Variants in HIVEP3 observed in about 807,000 individuals in gnomAD.
The protein encoded by HIVEP3 is HIVEP zinc finger 3, also known as transcription factor HIVEP3.
Under a neutral mutation model 152.8 loss-of-function variants are expected in HIVEP3, and 49 were observed. That is an observed-to-expected ratio of 0.32 (90% CI 0.26 to 0.41). The LOEUF (loss-of-function observed/expected upper bound fraction) is 0.41. Ranked by LOEUF, HIVEP3 falls within the 10% of genes least tolerant of loss-of-function variation. The pLI, the probability that HIVEP3 is intolerant of heterozygous loss-of-function variation, is 1.00. For synonymous variants in HIVEP3, 1,269 were observed against 1,289.0 expected, an observed-to-expected ratio of 0.98 and a Z score of 0.33; for missense variants, 2,790 against 3,103.3, an observed-to-expected ratio of 0.90 and a Z score of 2.40.
rs1489687013 is a variant in HIVEP3 at position 41,508,074 on chromosome 1, C to G, written c.*2377G>C. On this transcript the variant is annotated 3_prime_UTR_variant, in exon 9 of 9. Transcript: ENST00000372583. ...AGGGAGGAAACCTTGGGTGGGTAGG[C>G]TGTTTGAGTACAGGGAGAAAAATGC... 6.6e-6 allele frequency: 1 copy of G among 152,296 alleles called. No homozygotes were observed. Among genetic ancestry groups the G allele is most frequent in the Non-Finnish European group, 1.5e-5 (1 of 68,130 alleles). The allele number at this position is 152,296 out of a possible 1,614,324, so 9.4% of individuals were successfully genotyped here. A position where few individuals can be genotyped will look rare whatever the true frequency, so the allele number is the denominator to read the frequency against.
At chr1:41,861,992 C>CG (rs1432345380) in intron 1 of HIVEP3, among the ~76,000 whole-genome samples, 2 of 151,774 alleles carry the variant, frequency 1.3e-5, no homozygotes, top group East Asian at 3.9e-4. Context: ...CAAATTTGGC[C>CG]GGGGGGCGGA....
intron 1 of HIVEP3, among the ~76,000 whole-genome samples, chr1:41,719,177 C>T (rs1236274270): frequency 6.6e-6 from 1 of 152,204 alleles, no homozygotes; most frequent in Non-Finnish European, 1.5e-5. Flanking sequence ...GAGAGAGGAG[C>T]TTTGAAGGAT....
chr1:41,592,426 G>A (rs773681909), intron 3 of HIVEP3, among the ~76,000 whole-genome samples: 1 of 152,174 alleles, frequency 6.6e-6, no homozygotes, highest in Non-Finnish European at 1.5e-5. Flanking sequence ...GAAAAATACT[G>A]GCCACATTTC....
chr1:41,683,945 G>A (rs1047350654), intron 2 of HIVEP3, among the ~76,000 whole-genome samples: 25 of 152,180 alleles, frequency 1.6e-4, no homozygotes, highest in African/African-American at 6.0e-4. Flanking sequence ...TGTGTGGGGT[G>A]CAGGGTGTTG....
In HIVEP3 at chr1:41,775,517, G is replaced by C. The variant is rs919863300; in HGVS notation, c.-800-74522C>G. Reference sequence around the variant, plus strand: ...TGTTTTTTTGTTTTTTTGAGATGGAGTCTTACTCTGTCGCCCAGGCTGGAG... The same window carrying C: ...TGTTTTTTTGTTTTTTTGAGATGGACTCTTACTCTGTCGCCCAGGCTGGAG... On this transcript the variant is annotated intron_variant, in intron 1 of 8. Transcript: ENST00000372583. Among the ~76,000 whole-genome samples, 9 of 152,044 alleles carry C rather than the reference G, an allele frequency of 5.9e-5. No homozygotes were observed. The East Asian group carries it at 1.7e-3, about 29-fold the overall frequency.
chr1:41,872,227 G>A (rs960326773), intron 1 of HIVEP3, among the ~76,000 whole-genome samples: 1 of 152,170 alleles, frequency 6.6e-6, no homozygotes, highest in Non-Finnish European at 1.5e-5. Flanking sequence ...CCATGTGGTG[G>A]AAGAAGATTT....
chr1:41,933,870 A>G (rs1645007368), intron 1 of HIVEP3, among the ~76,000 whole-genome samples: 1 of 152,088 alleles, frequency 6.6e-6, no homozygotes, highest in African/African-American at 2.4e-5. Context: ...CAGCCTTCCC[A>G]GTGATCCCAT....
rs768355978 is a variant in HIVEP3, at chr1:41,510,456, C to T, written c.7216G>A (p.Ala2406Thr). Residue 2406 changes from alanine (A) to threonine (T), a missense_variant, in exon 9 of 9, where the codon GCT (alanine) becomes ACT (threonine). Physicochemically the swap from Ala to Thr is moderately conservative, Grantham distance 58. Coordinates refer to ENST00000372583, the MANE Select transcript of HIVEP3 (RefSeq NM_024503.5). ...HQPEDRVPPNA is the reference protein window; with the variant it reads ...HQPEDRVPPNT ...CTGAAGCAGTTGGAGAGAGGCTAAG[C>T]GTTGGGGGGAACCCTGTCCTCAGGC... 5 of 1,495,398 alleles carry T rather than the reference C, an allele frequency of 3.3e-6. No individual in the cohort carries two copies. The highest frequency in any genetic ancestry group is 3.6e-6 in the Non-Finnish European group (4 of 1,120,636). 92.6% of individuals were successfully genotyped at this position (1,495,398 alleles called of 1,614,324 possible).
In HIVEP3 at chr1:41,527,863, C is replaced by A. The variant is rs376063361; in HGVS notation, c.5208-2953G>T. On this transcript the variant is annotated intron_variant, in intron 5 of 8. Transcript: ENST00000372583. ...CACTTCCCCACCCTCACCCTCACACCCCTGTCGTCACACATTCACACTCAC... is the reference window on the plus strand; with the variant it reads ...CACTTCCCCACCCTCACCCTCACACACCTGTCGTCACACATTCACACTCAC... 9.3e-3 allele frequency among the ~76,000 whole-genome samples: 1,315 copies of A among 141,094 alleles called. 7 individuals are homozygous for A. Among genetic ancestry groups the A allele is most frequent in the South Asian group, 0.017 (72 of 4,160 alleles). The allele number at this position is 141,094 out of a possible 152,430, so 92.6% of individuals were successfully genotyped here.
At chr1:41,838,270 C>T (rs1289061035) in intron 1 of HIVEP3, among the ~76,000 whole-genome samples, 3 of 152,106 alleles carry the variant, frequency 2.0e-5, no homozygotes, top group Non-Finnish European at 2.9e-5. Flanking sequence ...ATAATGTCAT[C>T]GACAGAGGCA....
intron 1 of HIVEP3, among the ~76,000 whole-genome samples, chr1:42,002,748 A>G (rs552209207): frequency 6.6e-6 from 1 of 152,264 alleles, no homozygotes; most frequent in East Asian, 1.9e-4. Context: ...TCAGTAGCCC[A>G]AAAGGGAAAC....
intron 1 of HIVEP3, among the ~76,000 whole-genome samples, chr1:41,798,965 G>A (rs973484950): frequency 6.6e-6 from 1 of 152,070 alleles, no homozygotes; most frequent in Non-Finnish European, 1.5e-5. Flanking sequence ...CTAACCCCAC[G>A]GACAGACAGC....
rs1458614537 is a variant in HIVEP3 at position 41,511,668 on chromosome 1, C to T, written c.6406-402G>A. ...TTCACTCTTGGACATGAGTTCCCAC[C>T]TGAGGCTCTTTGCCCTTCTGCTACC... On this transcript the variant is annotated intron_variant, in intron 8 of 8. Transcript: ENST00000372583. The surrounding 1 kb of genome is among the most constrained non-coding windows in gnomAD (Gnocchi z 4.9). Among the ~76,000 whole-genome samples the T allele has an allele frequency of 6.6e-6, 1 of 152,206 alleles. No homozygotes were observed. Among genetic ancestry groups the T allele is most frequent in the Non-Finnish European group, 1.5e-5 (1 of 68,026 alleles).
chr1:41,902,657 CAG>C (rs575514215), intron 1 of HIVEP3, among the ~76,000 whole-genome samples: 22 of 152,210 alleles, frequency 1.4e-4, no homozygotes, highest in Admixed American at 5.2e-4. Flanking sequence ...GATGGGCACA[CAG>C]AAGTGGCCGA....
chr1:41,707,008 A>G (rs1225283233), intron 1 of HIVEP3, among the ~76,000 whole-genome samples: 1 of 152,242 alleles, frequency 6.6e-6, no homozygotes, highest in African/African-American at 2.4e-5. Context: ...CTGACCAGTG[A>G]GTTTTAGCCA....
intron 1 of HIVEP3, among the ~76,000 whole-genome samples, chr1:41,825,910 TCTCA>T (rs1243648587): frequency 2.0e-5 from 3 of 151,604 alleles, no homozygotes; most frequent in Non-Finnish European, 2.9e-5. Flanking sequence ...GTCTGGGGAG[TCTCA>T]CTATTTTTGA....
At chr1:41,734,690 G>T (rs886855836) in intron 1 of HIVEP3, among the ~76,000 whole-genome samples, 1 of 152,152 alleles carries the variant, frequency 6.6e-6, no homozygotes, top group Non-Finnish European at 1.5e-5. Context: ...CAGGTGGGTT[G>T]GGCAGTAGGA....
At chr1:42,029,839 G>A (rs915547251) in intron 1 of HIVEP3, among the ~76,000 whole-genome samples, 7 of 152,094 alleles carry the variant, frequency 4.6e-5, no homozygotes, top group Non-Finnish European at 1.5e-5. Flanking sequence ...TCAAGTAAAG[G>A]CATGCCAATT....
At chr1:41,943,604 G>A (rs1271743401) in intron 1 of HIVEP3, among the ~76,000 whole-genome samples, 1 of 152,078 alleles carries the variant, frequency 6.6e-6, no homozygotes, top group Non-Finnish European at 1.5e-5. Context: ...TTATCTGTGT[G>A]CCTAATTTAT....
Sources: allele counts gnomAD v4.1 joint callset (sites outside exome capture counted in the v4.1 genomes callset), GRCh38; gene constraint gnomAD v4.1.1; non-coding constraint Gnocchi (gnomAD v3.1); transcripts MANE v1.5; gene names NCBI Gene and HGNC (gene_info 2026-07-23, HGNC 2026-07-21).